The following FGF12 variants were observed in gnomAD, a reference collection of about 807,000 sequenced individuals.
FGF12 encodes fibroblast growth factor 12B.
FGF12 carries 14 observed loss-of-function variants against 23.6 expected under a neutral mutation model. The ratio of observed to expected loss-of-function variants is 0.59; its 90% CI spans 0.39 to 0.93. The LOEUF is 0.93. FGF12 is among the 40% of genes least tolerant of loss of function. The probability of loss-of-function intolerance (pLI) is 0.00; values close to 1 mark genes in which losing one functional copy is unlikely to be tolerated. For missense variants in FGF12, 175 were observed against 217.8 expected (o/e 0.80, Z 1.24); for synonymous variants, 62 against 77.3 (o/e 0.80, Z 1.04).
At chr3:192,215,861 C>T (rs1718168807) in intron 4 of FGF12, among the ~76,000 whole-genome samples, 1 of 152,190 alleles carries the variant, frequency 6.6e-6, no homozygotes, top group Non-Finnish European at 1.5e-5. Flanking sequence ...CATCTAACGT[C>T]CAGCTTTTTA....
intron 2 of FGF12, among the ~76,000 whole-genome samples, chr3:192,396,322 A>G (rs2108766162): frequency 6.6e-6 from 1 of 152,342 alleles, no homozygotes; most frequent in Middle Eastern, 3.4e-3. Context: ...AGCACATGAT[A>G]TACAAATACT....
In FGF12 at chr3:192,387,989, G is replaced by A. The variant is rs534238886; in HGVS notation, c.14-27451C>T. On this transcript the variant is annotated intron_variant, in intron 2 of 5. Coordinates refer to ENST00000445105, the MANE Select transcript of FGF12 (RefSeq NM_004113.6). The stretch of plus-strand genomic sequence containing the variant: ...ATTGAACATACATAAGGCCGGAGGG[G>A]TGTCTCACACCTGAATCCCAACACT... Among the ~76,000 whole-genome samples, 4 of 152,278 alleles carry A rather than the reference G, an allele frequency of 2.6e-5. No homozygotes were observed. In the South Asian group the frequency reaches 8.3e-4, roughly 32 times the overall value.
chr3:192,610,842 G>A (rs759647338), intron 2 of FGF12, among the ~76,000 whole-genome samples: 5 of 151,980 alleles, frequency 3.3e-5, no homozygotes, highest in Non-Finnish European at 7.4e-5. Flanking sequence ...CCTCAGCCTG[G>A]AGAACGTTGT....
intron 2 of FGF12, among the ~76,000 whole-genome samples, chr3:192,582,214 T>C (rs1713185260): frequency 6.6e-6 from 1 of 152,210 alleles, no homozygotes; most frequent in Non-Finnish European, 1.5e-5. Flanking sequence ...ATTTAGAATC[T>C]CTATAAAGTT....
At chr3:192,490,972 C>T (rs1028842314) in intron 2 of FGF12, among the ~76,000 whole-genome samples, 2 of 152,104 alleles carry the variant, frequency 1.3e-5, no homozygotes, top group African/African-American at 4.8e-5. Context: ...GTTGTGTTCA[C>T]TCTGTGAAAT....
At chr3:192,278,495 ATAT>A (rs1713936966) in intron 4 of FGF12, among the ~76,000 whole-genome samples, 1 of 152,224 alleles carries the variant, frequency 6.6e-6, no homozygotes, top group African/African-American at 2.4e-5. Flanking sequence ...AGCTCATCCT[ATAT>A]TTTGACTGAA....
intron 2 of FGF12, among the ~76,000 whole-genome samples, chr3:192,575,957 T>C (rs189035364): frequency 2.4e-4 from 37 of 152,362 alleles, no homozygotes; most frequent in African/African-American, 8.4e-4. Flanking sequence ...ACTAAGGTTT[T>C]CTTTCACCAA....
intron 5 of FGF12, among the ~76,000 whole-genome samples, 172 bp downstream of exon 5, chr3:192,170,284 GAA>G (rs5855411): frequency 0.015 from 1,598 of 109,428 alleles, 32 homozygotes; most frequent in African/African-American, 0.039. Flanking sequence ...TGCCTCAAAA[GAA>G]AAAAAAAAAA....
chr3:192,375,141 T>C (rs1304262372), intron 2 of FGF12, among the ~76,000 whole-genome samples: 2 of 152,220 alleles, frequency 1.3e-5, no homozygotes, highest in East Asian at 1.9e-4. Context: ...CATTCAACAT[T>C]GTATTAACAC....
chr3:192,383,107 C>G (rs1436525539), intron 2 of FGF12, among the ~76,000 whole-genome samples: 1 of 152,210 alleles, frequency 6.6e-6, no homozygotes, highest in African/African-American at 2.4e-5. Context: ...ATGGCACAGA[C>G]AGAATTTCCT....
intron 2 of FGF12, among the ~76,000 whole-genome samples, chr3:192,721,251 T>C (rs1475623441): frequency 6.6e-6 from 1 of 152,204 alleles, no homozygotes; most frequent in Non-Finnish European, 1.5e-5. Flanking sequence ...AGATTATAAT[T>C]CTAAAGAGTT....
intron 2 of FGF12, among the ~76,000 whole-genome samples, chr3:192,385,098 T>C (rs1250926685): frequency 1.3e-5 from 2 of 152,204 alleles, no homozygotes; most frequent in African/African-American, 4.8e-5. Flanking sequence ...TTGCTTGTCA[T>C]ATTTGAATGA....
chr3:192,630,525 G>A (rs1256976232), intron 2 of FGF12, among the ~76,000 whole-genome samples: 1 of 149,314 alleles, frequency 6.7e-6, no homozygotes, highest in African/African-American at 2.5e-5. Context: ...TTAACGCTGT[G>A]TGACACATTG....
chr3:192,491,202 A>G (rs916063691), intron 2 of FGF12, among the ~76,000 whole-genome samples: 1 of 152,096 alleles, frequency 6.6e-6, no homozygotes, highest in Non-Finnish European at 1.5e-5. Context: ...TGTAACAGAT[A>G]TCCCAAGATG....
intron 4 of FGF12, among the ~76,000 whole-genome samples, chr3:192,258,996 G>C (rs1188608940): frequency 1.3e-5 from 2 of 151,902 alleles, no homozygotes; most frequent in Non-Finnish European, 2.9e-5. Flanking sequence ...CGTAACTGCA[G>C]TTACTCAGTT....
At chr3:192,642,574 A>G (rs1360825645) in intron 2 of FGF12, among the ~76,000 whole-genome samples, 1 of 152,238 alleles carries the variant, frequency 6.6e-6, no homozygotes, top group African/African-American at 2.4e-5. Context: ...TTTGTTTAAA[A>G]TTTATACCAT....
intron 2 of FGF12, among the ~76,000 whole-genome samples, chr3:192,620,900 C>T (rs1209364688): frequency 1.3e-5 from 2 of 152,044 alleles, no homozygotes; most frequent in African/African-American, 2.4e-5. Context: ...TCTAGGTCTA[C>T]GTATATACCA....
intron 3 of FGF12, among the ~76,000 whole-genome samples, chr3:192,338,488 T>C (rs1425004073): frequency 6.6e-6 from 1 of 152,220 alleles, no homozygotes; most frequent in Non-Finnish European, 1.5e-5. Flanking sequence ...AGTCATCACA[T>C]CATTATAAGC....
At chr3:192,522,381 T>C (rs1724842921) in intron 2 of FGF12, among the ~76,000 whole-genome samples, 1 of 152,168 alleles carries the variant, frequency 6.6e-6, no homozygotes, top group African/African-American at 2.4e-5. Flanking sequence ...GATTCACACA[T>C]GAAATAATAT....
Sources: gnomAD v4.1 joint callset for allele counts (sites outside exome capture counted in the v4.1 genomes callset) on GRCh38, gnomAD v4.1.1 for gene constraint, MANE v1.5 for transcripts, NCBI Gene and HGNC (gene_info 2026-07-23, HGNC 2026-07-21) for gene names.